Variants in RPH3AL observed in about 807,000 individuals in gnomAD.
The protein encoded by RPH3AL is rab effector Noc2.
Under a neutral mutation model 43.1 loss-of-function variants are expected in RPH3AL, and 38 were observed. The observed-to-expected ratio is 0.88, with a 90% CI of 0.68 to 1.15. The LOEUF (loss-of-function observed/expected upper bound fraction) is 1.15. Ranked by LOEUF, RPH3AL falls within the 50% of genes most tolerant of loss-of-function variation. RPH3AL has a pLI of 0.00. For missense variants in RPH3AL, 462 were observed against 423.2 expected, an observed-to-expected ratio of 1.09 and a Z score of -0.81; for synonymous variants, 189 against 176.3, an observed-to-expected ratio of 1.07 and a Z score of -0.57.
intron 6 of RPH3AL, among the ~76,000 whole-genome samples, chr17:265,939 C>T (rs886504576): frequency 4.6e-5 from 7 of 152,178 alleles, no homozygotes; most frequent in African/African-American, 7.2e-5. Context: ...TCTCCGCTCA[C>T]GGCGGATGTT....
At position 297,813 on chromosome 17, in the gene RPH3AL, G is replaced by C. The variant is rs534484641; in HGVS notation, c.352-15959C>G. 4.6e-5 allele frequency among the ~76,000 whole-genome samples: 7 copies of C among 152,258 alleles called. No homozygotes were observed. The South Asian group carries it at 1.5e-3, about 32-fold the overall frequency. ...AGAGCAAGGTTGGTCACAGGTCAGG[G>C]CTGATGTTGCCAAGGGCATTCCGCA... On this transcript the variant is annotated intron_variant, in intron 5 of 9. Coordinates refer to ENST00000331302, the MANE Select transcript of RPH3AL (RefSeq NM_006987.4).
At chr17:311,504 G>A (rs567288653) in intron 5 of RPH3AL, among the ~76,000 whole-genome samples, 2 of 152,246 alleles carry the variant, frequency 1.3e-5, no homozygotes, top group Non-Finnish European at 2.9e-5. Flanking sequence ...GGGAACCCCA[G>A]TCCCAACCAC....
intron 6 of RPH3AL, among the ~76,000 whole-genome samples, chr17:253,776 C>T (rs868992664): frequency 0.042 from 2,988 of 71,864 alleles, 183 homozygotes; most frequent in East Asian, 0.087. Context: ...TGAGGGGAGC[C>T]GCACGGCGTC....
chr17:290,761 T>C lies in RPH3AL; in HGVS notation c.352-8907A>G, dbSNP rs2043029957. Among the ~76,000 whole-genome samples, 1 of 152,040 alleles carries C rather than the reference T, an allele frequency of 6.6e-6. No homozygotes were observed. Among genetic ancestry groups the C allele is most frequent in the Admixed American group, 6.6e-5 (1 of 15,256 alleles). ...GACGGGAAGGGGCTTAGTGCCAATG[T>C]AGGGGGAGGGAAGGAAACTGCTCTG... On this transcript the variant is annotated intron_variant, in intron 5 of 9. Transcript: ENST00000331302. The surrounding 1 kb of genome is among the most constrained non-coding windows in gnomAD (Gnocchi z 4.2).
intron 5 of RPH3AL, among the ~76,000 whole-genome samples, chr17:311,684 A>T (rs530810822): frequency 6.6e-6 from 1 of 152,240 alleles, no homozygotes; most frequent in African/African-American, 2.4e-5. Flanking sequence ...AATTATAACG[A>T]GACATTTATA....
intron 5 of RPH3AL, among the ~76,000 whole-genome samples, chr17:314,652 T>A (rs68083807): frequency 2.5e-3 from 19 of 7,484 alleles, no homozygotes; most frequent in Admixed American, 0.012. Context: ...TCCCTGTGAC[T>A]CCACCTCCAT....
At chr17:230,209 C>T (rs2041200282) in intron 7 of RPH3AL, among the ~76,000 whole-genome samples, 1 of 152,132 alleles carries the variant, frequency 6.6e-6, no homozygotes, top group South Asian at 2.1e-4. Flanking sequence ...CATCGATTTT[C>T]ATTTACTCCC....
At position 225,115 on chromosome 17, in the gene RPH3AL, G is replaced by GAAAA. The variant is rs34369453; in HGVS notation, c.614-5383_614-5380dup. Among the ~76,000 whole-genome samples, 248 of 139,146 alleles carry GAAAA rather than the reference G, an allele frequency of 1.8e-3. 3 individuals are homozygous for GAAAA. The highest frequency in any genetic ancestry group is 3.7e-3 in the Middle Eastern group (1 of 272). 91.3% of individuals were successfully genotyped at this position (139,146 alleles called of 152,430 possible). The stretch of plus-strand genomic sequence containing the variant: ...GTACCCTAGAACTTAAAATATAATG[G>GAAAA]AAAAAAAAAAAAAAAGAGTGATGAG... On this transcript the variant is annotated intron_variant, in intron 7 of 9. Transcript: ENST00000331302. This position sits in a 1 kb window ranked among gnomAD's most constrained non-coding sequence, Gnocchi z 4.4.
chr17:340,240 T>A (rs1441940923), intron 1 of RPH3AL, among the ~76,000 whole-genome samples: 1 of 151,932 alleles, frequency 6.6e-6, no homozygotes, highest in African/African-American at 2.4e-5. Flanking sequence ...AAGCCCAGGG[T>A]CCTCAGCTGG....
chr17:306,517 C>G (rs1322747029), intron 5 of RPH3AL: 2 of 152,212 alleles, frequency 1.3e-5, no homozygotes, highest in Admixed American at 1.3e-4. Context: ...AGTGAGCTCT[C>G]CACCGCTGGC....
chr17:235,873 C>G (rs112603913), intron 7 of RPH3AL, among the ~76,000 whole-genome samples: 157 of 97,484 alleles, frequency 1.6e-3, no homozygotes, highest in South Asian at 2.5e-3. Flanking sequence ...TGGGGTCGGC[C>G]GAGGCTCTGC....
At chr17:315,524 G>A (rs71355221) in intron 5 of RPH3AL, among the ~76,000 whole-genome samples, 303 of 69,144 alleles carry the variant, frequency 4.4e-3, no homozygotes, top group Middle Eastern at 0.011. Context: ...TTGACCTGTA[G>A]TCCCTGTGCT....
chr17:344,431 C>G (rs2045198158), intron 1 of RPH3AL, among the ~76,000 whole-genome samples: 1 of 131,528 alleles, frequency 7.6e-6, no homozygotes, highest in Admixed American at 7.3e-5. Context: ...TCATCACCAT[C>G]ACCACCATCA....
At chr17:331,790 C>G in intron 2 of RPH3AL, 5 of 1,289,148 alleles carry the variant, frequency 3.9e-6, no homozygotes, top group Non-Finnish European at 5.1e-6. Context: ...TGACCCTTCT[C>G]TCTTAAAAGC....
chr17:244,210 ACCTTCCTCTATTGATTAC>A (rs71143488), intron 7 of RPH3AL, among the ~76,000 whole-genome samples: 2 of 126,612 alleles, frequency 1.6e-5, no homozygotes, highest in Non-Finnish European at 3.4e-5. Context: ...TCTATTGATC[ACCTTCCTCTATTGATTAC>A]CCTTCCTCTA....
chr17:244,544 G>C (rs1326399675), intron 7 of RPH3AL, among the ~76,000 whole-genome samples: 1 of 152,128 alleles, frequency 6.6e-6, no homozygotes, highest in African/African-American at 2.4e-5. Flanking sequence ...CAGTGAAAGG[G>C]ACTGTGGGGC....
chr17:316,732 G>A (rs796736810), intron 5 of RPH3AL, among the ~76,000 whole-genome samples: 3 of 17,616 alleles, frequency 1.7e-4, no homozygotes, highest in Admixed American at 2.2e-3. Flanking sequence ...CACCTCCATT[G>A]ACCTGTAGTC....
At chr17:223,988 A>G (rs759306999) in intron 7 of RPH3AL, among the ~76,000 whole-genome samples, 1 of 152,220 alleles carries the variant, frequency 6.6e-6, no homozygotes, top group Non-Finnish European at 1.5e-5. Flanking sequence ...CGGCCAGCAC[A>G]CAGTAGGTGC....
Position 274,701 on chromosome 17 carries a change from C to T in RPH3AL, c.438+7067G>A, listed in dbSNP as rs2042612116. 6.6e-6 allele frequency among the ~76,000 whole-genome samples: 1 copy of T among 152,030 alleles called. No homozygotes were observed. The highest frequency in any genetic ancestry group is 6.5e-5 in the Admixed American group (1 of 15,268). On this transcript the variant is annotated intron_variant, in intron 6 of 9. Transcript: ENST00000331302. The surrounding 1 kb of genome is among the most constrained non-coding windows in gnomAD (Gnocchi z 4.7). ...CAGGGTCACAGGCACAATCCCAGACCAAGGGAGGGGCTATGAGGAGACGCC... is the reference window on the plus strand; with the variant it reads ...CAGGGTCACAGGCACAATCCCAGACTAAGGGAGGGGCTATGAGGAGACGCC...
Sources: allele counts gnomAD v4.1 joint callset (sites outside exome capture counted in the v4.1 genomes callset), GRCh38; gene constraint gnomAD v4.1.1; non-coding constraint Gnocchi (gnomAD v3.1); transcripts MANE v1.5; gene names NCBI Gene and HGNC (gene_info 2026-07-23, HGNC 2026-07-21).